Variants in CFAP54 observed in about 807,000 individuals in gnomAD.
CFAP54 encodes the protein cilia and flagella associated protein 54, also known as cilia- and flagella-associated protein 54.
A neutral mutation model predicts 370.4 loss-of-function variants in CFAP54; 290 were observed. That is an observed-to-expected ratio of 0.78 (90% CI 0.71 to 0.86). CFAP54 has a LOEUF of 0.86. Among genes scored for constraint, CFAP54 ranks in the 40% least tolerant of loss-of-function variants. The probability of loss-of-function intolerance (pLI) is 0.00; values close to 1 mark genes in which losing one functional copy is unlikely to be tolerated. For missense variants in CFAP54, 3,399 were observed against 3,528.7 expected (o/e 0.96, Z 0.93); for synonymous variants, 1,206 against 1,236.5 (o/e 0.98, Z 0.52).
intron 21 of CFAP54, 49 bp from the exon 22 acceptor site, chr12:96,580,871 T>C: frequency 7.7e-7 from 1 of 1,290,824 alleles, no homozygotes; most frequent in Non-Finnish European, 1.0e-6. Flanking sequence ...TTAAAAGTCA[T>C]GTTATTTTAA....
At chr12:96,738,928 G>T (rs899115731) in intron 50 of CFAP54, among the ~76,000 whole-genome samples, 1 of 152,048 alleles carries the variant, frequency 6.6e-6, no homozygotes, top group Non-Finnish European at 1.5e-5. Flanking sequence ...CCTTTTTACA[G>T]AAACAACAGT....
chr12:96,827,095 G>A (rs201258578), intron 65 of CFAP54, among the ~76,000 whole-genome samples: 9,042 of 64,436 alleles, frequency 0.14, 560 homozygotes, highest in Middle Eastern at 0.21. Context: ...TATATATAAT[G>A]TGCAATTATA....
At position 96,581,037 on chromosome 12, in the gene CFAP54, G is replaced by A. The variant is rs565414256; in HGVS notation, c.3007G>A (p.Glu1003Lys). ...NGKLVGGAIG[E>K]TTKPILVYPP... is the part of the protein sequence containing the mutation. Reference sequence around the variant, plus strand: ...AAAGCTTGTCGGTGGTGCTATTGGGGAGACAACTAAACCAATTCTGGTTTA... The same window carrying A: ...AAAGCTTGTCGGTGGTGCTATTGGGAAGACAACTAAACCAATTCTGGTTTA... Residue 1003 changes from glutamate to lysine, a missense_variant, in exon 22 of 68, where the codon GAG becomes AAG. Glu to Lys is a moderately conservative substitution (Grantham distance 56). Around this residue, in one of 3 missense-constraint regions of CFAP54, gnomAD observed 2,796 missense variants for 2,869.7 expected, o/e 0.97. Transcript: ENST00000524981. 338 of 1,532,878 alleles carry A rather than the reference G, an allele frequency of 2.2e-4. 4 individuals carry two copies. The South Asian group carries it at 3.7e-3, about 17-fold the overall frequency. 95.0% of individuals were successfully genotyped at this position (1,532,878 alleles called of 1,614,324 possible).
At chr12:96,758,819 A>T (rs1040912175) in intron 58 of CFAP54, among the ~76,000 whole-genome samples, 1 of 152,108 alleles carries the variant, frequency 6.6e-6, no homozygotes, top group South Asian at 2.1e-4. Context: ...TGATTCAGTA[A>T]ATCAGGGATG....
At chr12:96,570,971 A>G (rs553710773) in intron 19 of CFAP54, among the ~76,000 whole-genome samples, 1 of 152,186 alleles carries the variant, frequency 6.6e-6, no homozygotes, top group South Asian at 2.1e-4. Context: ...CTTGGATATG[A>G]CTTAATCTAC....
chr12:96,634,105 G>T (rs567796278), intron 32 of CFAP54, among the ~76,000 whole-genome samples: 3 of 127,238 alleles, frequency 2.4e-5, no homozygotes, highest in African/African-American at 5.7e-5. Context: ...GCCCAGGCTG[G>T]AGTGCAGTGG....
intron 67 of CFAP54, among the ~76,000 whole-genome samples, chr12:96,862,853 A>C (rs1166835725): frequency 6.6e-6 from 1 of 152,126 alleles, no homozygotes. Flanking sequence ...AAGGGTTTGC[A>C]TTTCTCAATG....
chr12:96,685,401 A>C (rs940294854), intron 42 of CFAP54, among the ~76,000 whole-genome samples, 163 bp downstream of exon 42: 3 of 152,078 alleles, frequency 2.0e-5, no homozygotes, highest in African/African-American at 7.2e-5. Context: ...TGTGATGTTT[A>C]TTGCTTATGA....
intron 25 of CFAP54, among the ~76,000 whole-genome samples, chr12:96,596,830 A>G (rs980504490): frequency 1.3e-5 from 2 of 152,144 alleles, no homozygotes; most frequent in African/African-American, 4.8e-5. Context: ...TTACAAACTG[A>G]CAATAACCTA....
rs200229046 is a variant in CFAP54, at chr12:96,691,200, C to T, written c.6154C>T (p.Leu2052Phe). The change falls in exon 44 of 68, where the codon CTC becomes TTC. Residue 2052 changes from leucine (L) to phenylalanine (F), a missense_variant. Leu to Phe is a conservative substitution (Grantham distance 22). Transcript: ENST00000524981. ...CYAQYEITQL[L>F]PGIELFSDRY... Reference sequence around the variant, plus strand: ...TGCTCAATATGAAATCACTCAGCTTCTCCCAGGCATTGAACTCTTCTCAGA... The same window carrying T: ...TGCTCAATATGAAATCACTCAGCTTTTCCCAGGCATTGAACTCTTCTCAGA... 2.8e-5 allele frequency: 45 copies of T among 1,613,516 alleles called. No individual in the cohort carries two copies. The highest frequency in any genetic ancestry group is 3.7e-5 in the Non-Finnish European group (44 of 1,179,736).
At chr12:96,556,328 A>T (rs539814097) in intron 17 of CFAP54, among the ~76,000 whole-genome samples, 1 of 152,130 alleles carries the variant, frequency 6.6e-6, no homozygotes, top group Non-Finnish European at 1.5e-5. Context: ...AAAGCAAAAA[A>T]AAAATAAAAA....
chr12:96,867,867 G>A (rs1486955244), intron 67 of CFAP54, among the ~76,000 whole-genome samples: 1 of 152,032 alleles, frequency 6.6e-6, no homozygotes, highest in African/African-American at 2.4e-5. Flanking sequence ...TGTGTTGTAC[G>A]CTCAAAAATT....
chr12:96,700,040 A>G lies in CFAP54; in HGVS notation c.6421A>G (p.Lys2141Glu). The change falls in exon 46 of 68, where the codon AAA (lysine) becomes GAA (glutamate). Residue 2141 changes from lysine to glutamate, a missense_variant. Transcript: ENST00000524981. ...FYEISQIFYGKNMPCPIPAGY... is the reference protein window; with the variant it reads ...FYEISQIFYGENMPCPIPAGY... ...TGAGATATCCCAAATTTTCTATGGA[A>G]AAAACATGCCTTGTCCAATACCTGC... The G allele has an allele frequency of 6.2e-7, 1 of 1,610,520 alleles. No individual in the cohort carries two copies. Among genetic ancestry groups the G allele is most frequent in the Non-Finnish European group, 8.5e-7 (1 of 1,178,182 alleles).
chr12:96,568,234 A>T (rs559055239), intron 19 of CFAP54, among the ~76,000 whole-genome samples: 41 of 146,688 alleles, frequency 2.8e-4, no homozygotes, highest in East Asian at 6.0e-4. Context: ...TTTCTTTTTT[A>T]AAAAATGTAA....
intron 66 of CFAP54, among the ~76,000 whole-genome samples, chr12:96,855,925 G>A (rs1959692955): frequency 6.6e-6 from 1 of 152,200 alleles, no homozygotes; most frequent in Admixed American, 6.5e-5. Context: ...CTCCGTGAGG[G>A]CCCTGTCTGC....
chr12:96,806,199 TA>T (rs1958878082), intron 63 of CFAP54, among the ~76,000 whole-genome samples: 1 of 77,802 alleles, frequency 1.3e-5, no homozygotes, highest in Admixed American at 1.2e-4. Flanking sequence ...TATATATATA[TA>T]TATATATATA....
rs11108639 is a variant in CFAP54, at chr12:96,685,108, G to A, written c.5884G>A (p.Gly1962Ser). 2.5e-6 allele frequency: 4 copies of A among 1,614,050 alleles called. No homozygotes were observed. In the East Asian group the frequency reaches 8.9e-5, roughly 36 times the overall value. The change falls in exon 42 of 68, where the codon GGC (glycine) becomes AGC (serine). Residue 1962 changes from glycine to serine, a missense_variant. Transcript: ENST00000524981. ...CGTGCTACACACGTGGAAAGAATTT[G>A]GCCCCTCACTCACCAATGTCACCAA... ...PDVLHTWKEF[G>S]PSLTNVTNSH... is the part of the protein sequence containing the mutation.
At chr12:96,739,511 A>G (rs1034516361) in intron 50 of CFAP54, among the ~76,000 whole-genome samples, 1 of 152,182 alleles carries the variant, frequency 6.6e-6, no homozygotes, top group Non-Finnish European at 1.5e-5. Context: ...GCATTAGGTA[A>G]CATAGTTCCA....
At chr12:96,808,362 C>G (rs913801422) in intron 63 of CFAP54, among the ~76,000 whole-genome samples, 16 of 152,102 alleles carry the variant, frequency 1.1e-4, no homozygotes, top group African/African-American at 3.6e-4. Flanking sequence ...TTGAGTTACT[C>G]TCTTGTGTCA....
Sources: gnomAD v4.1 joint callset for allele counts (sites outside exome capture counted in the v4.1 genomes callset) on GRCh38, gnomAD v4.1.1 for gene constraint, gnomAD v4.1.1 regional missense constraint, MANE v1.5 for transcripts, NCBI Gene and HGNC (gene_info 2026-07-23, HGNC 2026-07-21) for gene names.